RNF6: variants seen among roughly 807,000 people sequenced by gnomAD.
RNF6 encodes E3 ubiquitin-protein ligase RNF6.
In RNF6, 21 loss-of-function variants were observed where a neutral mutation model predicts 50.1. The ratio of observed to expected loss-of-function variants is 0.42; its 90% CI spans 0.30 to 0.60. The LOEUF (loss-of-function observed/expected upper bound fraction) is 0.60, where lower values mean the gene tolerates loss of function less well. Ranked by LOEUF, RNF6 falls within the 20% of genes least tolerant of loss-of-function variation. RNF6 has a pLI of 0.20. For missense variants in RNF6, 698 were observed against 838.2 expected, an observed-to-expected ratio of 0.83 and a Z score of 2.07; for synonymous variants, 255 against 291.8, an observed-to-expected ratio of 0.87 and a Z score of 1.29.
At chr13:26,175,927 AG>A (rs970155154) in intron 5 of RNF6, among the ~76,000 whole-genome samples, 1 of 152,136 alleles carries the variant, frequency 6.6e-6, no homozygotes, top group Admixed American at 6.6e-5. Context: ...AAAAACAAGC[AG>A]GGGGTGGAGG....
chr13:26,151,452 A>G (rs1415601397), intron 5 of RNF6, among the ~76,000 whole-genome samples: 1 of 152,032 alleles, frequency 6.6e-6, no homozygotes, highest in Non-Finnish European at 1.5e-5. Context: ...CAGTAGAGAC[A>G]GGGTTTTTCC....
intron 5 of RNF6, among the ~76,000 whole-genome samples, chr13:26,162,554 C>T (rs1289333066): frequency 6.6e-6 from 1 of 152,150 alleles, no homozygotes; most frequent in Non-Finnish European, 1.5e-5. Flanking sequence ...GAACATTGTA[C>T]CAGGGCAGAA....
Position 26,214,309 on chromosome 13 carries a change from T to C in RNF6, c.1573A>G (p.Thr525Ala), listed in dbSNP as rs769621545. 19 of 1,614,050 alleles carry C rather than the reference T, an allele frequency of 1.2e-5. No individual in the cohort carries two copies. The highest frequency in any genetic ancestry group is 1.5e-5 in the Non-Finnish European group (18 of 1,180,038). Residue 525 changes from threonine to alanine, a missense_variant, in exon 5 of 5, where the codon ACA becomes GCA. Thr to Ala is a moderately conservative substitution (Grantham distance 58). Coordinates refer to ENST00000381588, the MANE Select transcript of RNF6 (RefSeq NM_005977.4). ...CTGTGCTGGCTCCTGTTGTTATCTG[T>C]ACCTAAGTTACTCAGTTCTGAGTGC... ...DMHSELSNLG[T>A]DNNRSQHREG...
chr13:26,168,160 C>T lies in RNF6; in HGVS notation n.769-35709G>A, dbSNP rs118165919. ...ATCAATCCCCATGACAAGAGTTTCC[C>T]TATGTAACAAACCTGCACATGTACC... On this transcript the variant is annotated intron_variant and non_coding_transcript_variant, in intron 5 of 5. Transcript: ENST00000468480. Among the ~76,000 whole-genome samples the T allele has an allele frequency of 5.2e-4, 79 of 152,214 alleles. No individual in the cohort carries two copies. In the East Asian group the frequency reaches 0.014, roughly 27 times the overall value.
chr13:26,133,990 T>C (rs1566401015), intron 5 of RNF6, among the ~76,000 whole-genome samples: 1 of 152,230 alleles, frequency 6.6e-6, no homozygotes, highest in South Asian at 2.1e-4. Context: ...TCTGGTTTCC[T>C]CTGACATACC....
chr13:26,143,941 A>C (rs1871096206), intron 5 of RNF6, among the ~76,000 whole-genome samples: 1 of 152,204 alleles, frequency 6.6e-6, no homozygotes, highest in Non-Finnish European at 1.5e-5. Flanking sequence ...TGGCAGAAGC[A>C]TTGTTTACAG....
At chr13:26,137,058 C>T (rs1870679858) in intron 5 of RNF6, among the ~76,000 whole-genome samples, 1 of 152,162 alleles carries the variant, frequency 6.6e-6, no homozygotes, top group African/African-American at 2.4e-5. Context: ...CTAAACAAAG[C>T]TACAGCTCCT....
chr13:26,160,538 CTTCTTCTTTT>C lies in RNF6; in HGVS notation n.769-28097_769-28088del, dbSNP rs1872153998. On this transcript the variant is annotated intron_variant and non_coding_transcript_variant, in intron 5 of 5. Transcript: ENST00000468480. ...TGCATCCAGCCTATCTTCTTCTCTT[CTTCTTCTTTT>C]TTTTTTTTTTTTTTTTGGACATTTG... is the stretch of plus-strand genomic sequence containing the variant. 3.2e-4 allele frequency among the ~76,000 whole-genome samples: 17 copies of C among 52,764 alleles called. No individual in the cohort carries two copies. In the East Asian group the frequency reaches 8.0e-3, roughly 25 times the overall value. 34.6% of individuals were successfully genotyped at this position (52,764 alleles called of 152,430 possible). A position where few individuals can be genotyped will look rare whatever the true frequency, so the allele number is the denominator to read the frequency against.
intron 4 of RNF6, among the ~76,000 whole-genome samples, chr13:26,216,148 G>A (rs1224007027): frequency 6.6e-6 from 1 of 152,142 alleles, no homozygotes; most frequent in Non-Finnish European, 1.5e-5. Flanking sequence ...CCACATTACT[G>A]TATTTGTCTT....
At chr13:26,175,920 A>G (rs985828924) in intron 5 of RNF6, among the ~76,000 whole-genome samples, 10 of 152,104 alleles carry the variant, frequency 6.6e-5, no homozygotes, top group Non-Finnish European at 1.5e-4. Flanking sequence ...TGACCAAAAA[A>G]ACAAGCAGGG....
intron 5 of RNF6, among the ~76,000 whole-genome samples, chr13:26,190,024 C>CA (rs1056459894): frequency 5.9e-5 from 9 of 152,200 alleles, no homozygotes; most frequent in Non-Finnish European, 1.3e-4. Context: ...ACACAGGTCT[C>CA]ACGGGGCTAA....
chr13:26,132,803 T>A (rs1420817550), intron 5 of RNF6, among the ~76,000 whole-genome samples: 2 of 152,198 alleles, frequency 1.3e-5, no homozygotes, highest in African/African-American at 4.8e-5. Context: ...ACACTTTGAG[T>A]AGCAAGGATT....
chr13:26,218,312 T>C (rs1257083393), intron 4 of RNF6, among the ~76,000 whole-genome samples, 199 bp downstream of exon 4: 1 of 152,232 alleles, frequency 6.6e-6, no homozygotes, highest in African/African-American at 2.4e-5. Flanking sequence ...ATCTGTGTGT[T>C]TAAGACATCT....
intron 5 of RNF6, among the ~76,000 whole-genome samples, chr13:26,168,164 G>A (rs7981522): frequency 0.78 from 117,892 of 152,102 alleles, 46,128 homozygotes; most frequent in Non-Finnish European, 0.84. Flanking sequence ...GTTTCCCTAT[G>A]TAACAAACCT....
intron 5 of RNF6, among the ~76,000 whole-genome samples, chr13:26,171,291 G>C (rs767329599): frequency 1.3e-5 from 2 of 152,148 alleles, no homozygotes; most frequent in Non-Finnish European, 2.9e-5. Context: ...CACATGGAAA[G>C]ATCCTCAACA....
chr13:26,187,671 G>T (rs1873620533), intron 5 of RNF6, among the ~76,000 whole-genome samples: 1 of 152,216 alleles, frequency 6.6e-6, no homozygotes, highest in South Asian at 2.1e-4. Flanking sequence ...TTCAAATGCA[G>T]ATCTCTTGGA....
In RNF6 at chr13:26,132,960, A is replaced by T. The variant is rs555025519; in HGVS notation, n.769-509T>A. On this transcript the variant is annotated intron_variant and non_coding_transcript_variant, in intron 5 of 5. Transcript: ENST00000468480. Reference sequence around the variant, plus strand: ...AGAATTTGCATTTCTAACAGTTCCCACAAGATGATGCTGTTGCTGAGCCAG... The same window carrying T: ...AGAATTTGCATTTCTAACAGTTCCCTCAAGATGATGCTGTTGCTGAGCCAG... Among the ~76,000 whole-genome samples the T allele has an allele frequency of 2.6e-5, 4 of 152,280 alleles. No homozygotes were observed. In the East Asian group the frequency reaches 7.7e-4, roughly 29 times the overall value.
chr13:26,147,787 A>C (rs1871327731), intron 5 of RNF6, among the ~76,000 whole-genome samples: 2 of 152,222 alleles, frequency 1.3e-5, no homozygotes, highest in African/African-American at 4.8e-5. Flanking sequence ...ACAGGACACA[A>C]GAGTCTCCTT....
intron 5 of RNF6, among the ~76,000 whole-genome samples, chr13:26,187,554 C>G (rs1873615521): frequency 6.6e-6 from 1 of 152,114 alleles, no homozygotes; most frequent in Non-Finnish European, 1.5e-5. Context: ...GGTCCCCTCC[C>G]CAGGGATTAG....
Sources: gnomAD v4.1 joint callset for allele counts (sites outside exome capture counted in the v4.1 genomes callset) on GRCh38, gnomAD v4.1.1 for gene constraint, MANE v1.5 for transcripts, NCBI Gene and HGNC (gene_info 2026-07-23, HGNC 2026-07-21) for gene names.